Variants in KANSL1L observed in about 807,000 individuals in gnomAD.
KANSL1L encodes KAT8 regulatory NSL complex subunit 1 like, also known as KAT8 regulatory NSL complex subunit 1-like protein.
KANSL1L carries 25 observed loss-of-function variants against 108.6 expected under a neutral mutation model. The observed-to-expected ratio is 0.23, with a 90% CI of 0.17 to 0.32. The LOEUF (loss-of-function observed/expected upper bound fraction) is 0.32, where lower values mean the gene tolerates loss of function less well. Among genes scored for constraint, KANSL1L ranks in the 10% least tolerant of loss-of-function variants. The pLI, the probability that KANSL1L is intolerant of heterozygous loss-of-function variation, is 1.00. For synonymous variants in KANSL1L, 405 were observed against 395.1 expected, an observed-to-expected ratio of 1.03 and a Z score of -0.30; for missense variants, 1,137 against 1,125.7, an observed-to-expected ratio of 1.01 and a Z score of -0.14.
At chr2:210,116,005 G>C (rs759838509) in intron 3 of KANSL1L, among the ~76,000 whole-genome samples, 2 of 152,172 alleles carry the variant, frequency 1.3e-5, no homozygotes, top group African/African-American at 2.4e-5. Flanking sequence ...GGCCACAGTG[G>C]GGTAAAGCAC....
chr2:210,120,710 A>C (rs947538759), intron 3 of KANSL1L, among the ~76,000 whole-genome samples: 4 of 152,218 alleles, frequency 2.6e-5, no homozygotes, highest in Non-Finnish European at 4.4e-5. Context: ...TAAACAGACA[A>C]TCTAAAGAAT....
chr2:210,162,703 C>T (rs73984343), intron 1 of KANSL1L, among the ~76,000 whole-genome samples: 2,512 of 107,934 alleles, frequency 0.023, 67 homozygotes, highest in African/African-American at 0.075. Context: ...AGAGGAAGGA[C>T]GCTAAAAGAA....
At position 210,119,973 on chromosome 2, in the gene KANSL1L, A is replaced by G. The variant is rs187303442; in HGVS notation, c.1230+9058T>C. Reference sequence around the variant, plus strand: ...ACCAAAACAGCATGGTACTCGAACAAGAACAGACACAAAGACCAACAGAAC... The same window carrying G: ...ACCAAAACAGCATGGTACTCGAACAGGAACAGACACAAAGACCAACAGAAC... On this transcript the variant is annotated intron_variant, in intron 3 of 14. Transcript: ENST00000281772. 7.9e-5 allele frequency among the ~76,000 whole-genome samples: 12 copies of G among 152,354 alleles called. No individual in the cohort carries two copies. The East Asian group carries it at 2.3e-3, about 29-fold the overall frequency.
intron 1 of KANSL1L, among the ~76,000 whole-genome samples, chr2:210,160,115 A>C (rs187068855): frequency 2.6e-5 from 4 of 152,370 alleles, no homozygotes; most frequent in Admixed American, 6.5e-5. Context: ...AATGGAGAAA[A>C]AGCATTTGAC....
chr2:210,038,688 G>A (rs2094133942), intron 8 of KANSL1L, among the ~76,000 whole-genome samples: 1 of 151,984 alleles, frequency 6.6e-6, no homozygotes, highest in Middle Eastern at 3.4e-3. Flanking sequence ...TGCTTTATGA[G>A]TTAGTGATAT....
chr2:210,108,135 A>G (rs2094868783), intron 3 of KANSL1L, among the ~76,000 whole-genome samples: 1 of 152,208 alleles, frequency 6.6e-6, no homozygotes, highest in South Asian at 2.1e-4. Flanking sequence ...TTTCTTATAT[A>G]ATAACATTTC....
intron 2 of KANSL1L, among the ~76,000 whole-genome samples, chr2:210,140,887 C>T (rs1221942256): frequency 6.6e-6 from 1 of 152,040 alleles, no homozygotes; most frequent in African/African-American, 2.4e-5. Context: ...AGTATGTTAG[C>T]ATTTTAAGTA....
chr2:210,162,585 T>C (rs2095367842), intron 1 of KANSL1L, among the ~76,000 whole-genome samples: 1 of 152,018 alleles, frequency 6.6e-6, no homozygotes, highest in Non-Finnish European at 1.5e-5. Context: ...CACTGGCATA[T>C]AAATAGTATT....
rs1032361692 is a variant in KANSL1L, at chr2:210,165,884, A to T, written c.-30+5265T>A. Reference sequence around the variant, plus strand: ...AAACAGGTGAGTACAGTAAGGTAAGATATTTTGAGAGCGAGCAAGAAGAGC... The same window carrying T: ...AAACAGGTGAGTACAGTAAGGTAAGTTATTTTGAGAGCGAGCAAGAAGAGC... On this transcript the variant is annotated intron_variant, in intron 1 of 14. Transcript: ENST00000281772. Among the ~76,000 whole-genome samples, 2 of 152,224 alleles carry T rather than the reference A, an allele frequency of 1.3e-5. 1 individual carries two copies. Among genetic ancestry groups the T allele is most frequent in the South Asian group, 4.1e-4 (2 of 4,834 alleles).
chr2:210,094,885 G>C (rs1219528761), intron 5 of KANSL1L, among the ~76,000 whole-genome samples: 1 of 151,808 alleles, frequency 6.6e-6, no homozygotes, highest in Non-Finnish European at 1.5e-5. Flanking sequence ...GATTACTCAG[G>C]CTCCAAAAAC....
intron 1 of KANSL1L, among the ~76,000 whole-genome samples, chr2:210,168,618 A>G (rs996998146): frequency 3.9e-5 from 6 of 152,114 alleles, no homozygotes; most frequent in Middle Eastern, 3.2e-3. Flanking sequence ...AATCTAAGGT[A>G]TCATGATAAA....
At chr2:210,067,061 G>C (rs1220037256) in intron 6 of KANSL1L, among the ~76,000 whole-genome samples, 1 of 152,258 alleles carries the variant, frequency 6.6e-6, no homozygotes, top group South Asian at 2.1e-4. Context: ...TCTTAAGCTG[G>C]GACATTCATC....
intron 2 of KANSL1L, among the ~76,000 whole-genome samples, chr2:210,132,190 C>A (rs545070270): frequency 1.1e-4 from 16 of 152,140 alleles, no homozygotes; most frequent in Admixed American, 1.0e-3. Context: ...ACAAGATCAA[C>A]ATGTTATACC....
chr2:210,139,790 G>A (rs2095211677), intron 2 of KANSL1L, among the ~76,000 whole-genome samples: 1 of 146,836 alleles, frequency 6.8e-6, no homozygotes, highest in Non-Finnish European at 1.5e-5. Flanking sequence ...CACCAAGGCT[G>A]GAGTGCAGAG....
intron 2 of KANSL1L, among the ~76,000 whole-genome samples, chr2:210,141,171 TTC>T: frequency 8.0e-6 from 1 of 125,780 alleles, no homozygotes; most frequent in African/African-American, 3.0e-5. Context: ...TCTGTTTTCT[TTC>T]TTTTCTTTCT....
chr2:210,139,621 T>C (rs1021358234), intron 2 of KANSL1L, among the ~76,000 whole-genome samples: 4 of 152,216 alleles, frequency 2.6e-5, no homozygotes, highest in Non-Finnish European at 4.4e-5. Flanking sequence ...TATCTCATTA[T>C]AGTTTTAATT....
At chr2:210,105,394 A>C in intron 3 of KANSL1L, among the ~76,000 whole-genome samples, 1 of 147,660 alleles carries the variant, frequency 6.8e-6, no homozygotes, top group East Asian at 1.9e-4. Flanking sequence ...TATATATTTG[A>C]AACATGCTAA....
intron 13 of KANSL1L, 114 bp from the exon 14 acceptor site, chr2:210,024,315 T>G (rs189065483): frequency 2.0e-4 from 146 of 726,638 alleles, no homozygotes; most frequent in Non-Finnish European, 2.8e-4. Flanking sequence ...TAAACAGTTT[T>G]GCCCAAAGAT....
At chr2:210,080,657 A>G (rs902673350) in intron 5 of KANSL1L, among the ~76,000 whole-genome samples, 1 of 152,224 alleles carries the variant, frequency 6.6e-6, no homozygotes, top group Admixed American at 6.5e-5. Context: ...GCCAAAACAT[A>G]CCATACACTA....
Sources: gnomAD v4.1 joint callset for allele counts (sites outside exome capture counted in the v4.1 genomes callset) on GRCh38, gnomAD v4.1.1 for gene constraint, MANE v1.5 for transcripts, NCBI Gene and HGNC (gene_info 2026-07-23, HGNC 2026-07-21) for gene names.